The following TMPRSS11D variants were observed in gnomAD, a reference collection of about 807,000 sequenced individuals.
The protein encoded by TMPRSS11D is transmembrane protease serine 11D.
In TMPRSS11D, 32 loss-of-function variants were observed where a neutral mutation model predicts 44.4. The ratio of observed to expected loss-of-function variants is 0.72; its 90% CI spans 0.54 to 0.97. The LOEUF is 0.97. TMPRSS11D is among the 50% of genes least tolerant of loss of function. The pLI is 0.00. For synonymous variants in TMPRSS11D, 179 were observed against 177.9 expected, an observed-to-expected ratio of 1.01 and a Z score of -0.05; for missense variants, 446 against 502.6, an observed-to-expected ratio of 0.89 and a Z score of 1.08.
Position 67,854,167 on chromosome 4 carries a change from A to C in TMPRSS11D, c.150T>G (p.Tyr50Ter). The change falls in exon 3 of 10, where the codon TAT becomes TAG. Residue 50 changes from tyrosine (Y) to a stop codon, truncating the protein, a stop_gained. Transcript: ENST00000283916. LOFTEE classifies it high-confidence loss of function. ...FLAFDQKSYF[Y>*]RSSFQLLNVE... ...CATTTAGGAGTTGAAAACTGCTCCT[A>C]TAAAAGTAAGATTTTTGATCTGAAA... 6.4e-7 allele frequency: 1 copy of C among 1,561,440 alleles called. No homozygotes were observed. The highest frequency in any genetic ancestry group is 8.7e-7 in the Non-Finnish European group (1 of 1,147,224).
At chr4:67,851,172 T>A (rs1718499713) in intron 3 of TMPRSS11D, among the ~76,000 whole-genome samples, 1 of 152,224 alleles carries the variant, frequency 6.6e-6, no homozygotes, top group African/African-American at 2.4e-5. Context: ...GAGGATGCAC[T>A]GGTTTTAATG....
At chr4:67,877,891 A>C (rs190270514) in intron 1 of TMPRSS11D, among the ~76,000 whole-genome samples, 1 of 152,302 alleles carries the variant, frequency 6.6e-6, no homozygotes, top group East Asian at 1.9e-4. Context: ...TCCTTTCTCC[A>C]CAGAGATTGT....
chr4:67,882,063 G>T (rs1461925965), intron 1 of TMPRSS11D, among the ~76,000 whole-genome samples: 3 of 152,070 alleles, frequency 2.0e-5, no homozygotes, highest in Admixed American at 6.6e-5. Context: ...AGGTTCCTGG[G>T]CCCTACGGTA....
rs1717630003 is a variant in TMPRSS11D, at chr4:67,821,315, C to T, written c.*1022G>A. ...GGAAGAGTGACAAAGTTTTTTCTGT[C>T]TTCAGGATCATTCTATTGATATTAA... is the stretch of plus-strand genomic sequence containing the variant. On this transcript the variant is annotated 3_prime_UTR_variant, in exon 10 of 10. Coordinates refer to ENST00000283916, the MANE Select transcript of TMPRSS11D (RefSeq NM_004262.3). The T allele has an allele frequency of 6.6e-6, 1 of 152,042 alleles. No individual in the cohort carries two copies. Among genetic ancestry groups the T allele is most frequent in the Non-Finnish European group, 1.5e-5 (1 of 68,006 alleles). The allele number at this position is 152,042 out of a possible 1,614,324, so 9.4% of individuals were successfully genotyped here.
chr4:67,830,415 T>C (rs1043610208), intron 7 of TMPRSS11D, among the ~76,000 whole-genome samples: 8 of 151,990 alleles, frequency 5.3e-5, no homozygotes, highest in African/African-American at 1.9e-4. Flanking sequence ...AACTTAACAT[T>C]GTTCCTAAGG....
intron 7 of TMPRSS11D, 113 bp downstream of exon 7, chr4:67,833,091 A>AT (rs992519017): frequency 3.1e-5 from 33 of 1,067,944 alleles, no homozygotes; most frequent in East Asian, 6.4e-5. Flanking sequence ...ATTCTTACTG[A>AT]TTTTTTTGCA....
intron 3 of TMPRSS11D, among the ~76,000 whole-genome samples, chr4:67,844,709 G>A (rs1718318175): frequency 6.6e-6 from 1 of 152,052 alleles, no homozygotes; most frequent in Non-Finnish European, 1.5e-5. Context: ...AACCTGCAGG[G>A]CAGAGGTCGC....
chr4:67,850,879 C>T (rs1257651955), intron 3 of TMPRSS11D, among the ~76,000 whole-genome samples: 1 of 152,182 alleles, frequency 6.6e-6, no homozygotes, highest in African/African-American at 2.4e-5. Context: ...TTTTCTAGTA[C>T]TTTACAACTT....
intron 3 of TMPRSS11D, among the ~76,000 whole-genome samples, chr4:67,847,477 G>A (rs191059450): frequency 1.8e-4 from 28 of 152,254 alleles, no homozygotes; most frequent in African/African-American, 6.7e-4. Flanking sequence ...GCTTTTGGGA[G>A]GCTTAGTTTT....
At chr4:67,870,661 A>C (rs1372112066) in intron 1 of TMPRSS11D, among the ~76,000 whole-genome samples, 1 of 152,072 alleles carries the variant, frequency 6.6e-6, no homozygotes, top group Non-Finnish European at 1.5e-5. Context: ...AAAAATACAA[A>C]AAATTAGCCG....
rs149678803 is a variant in TMPRSS11D, at chr4:67,827,505, A to T, written c.708T>A (p.Arg236=). The T allele has an allele frequency of 6.2e-7, 1 of 1,603,920 alleles. No individual in the cohort carries two copies. The highest frequency in any genetic ancestry group is 1.7e-5 in the Admixed American group (1 of 59,358). ...AAATACCAGACGTGGCAATCCAGTC[A>T]CGAGGATTAGAGTTGCTAAAACATT... The part of the protein sequence containing the change: ...AHCFRSNSNP[R]DWIATSGIST... The change falls in exon 8 of 10, where the codon CGT becomes CGA. Residue 236 remains arginine, a synonymous_variant. Transcript: ENST00000283916.
Position 67,821,862 on chromosome 4 carries a change from C to T in TMPRSS11D, c.*475G>A, listed in dbSNP as rs1231268651. 6.5e-6 allele frequency: 1 copy of T among 152,860 alleles called. No homozygotes were observed. Among genetic ancestry groups the T allele is most frequent in the African/African-American group, 2.4e-5 (1 of 41,388 alleles). The allele number at this position is 152,860 out of a possible 1,614,324, so 9.5% of individuals were successfully genotyped here. A position where few individuals can be genotyped will look rare whatever the true frequency, so the allele number is the denominator to read the frequency against. The stretch of plus-strand genomic sequence containing the variant: ...ATTGAGTAACCAAAAATTTTAAATA[C>T]ATATTATTTCTCTTGCCTCATACTG... On this transcript the variant is annotated 3_prime_UTR_variant, in exon 10 of 10. Coordinates refer to ENST00000283916, the MANE Select transcript of TMPRSS11D (RefSeq NM_004262.3).
intron 1 of TMPRSS11D, among the ~76,000 whole-genome samples, chr4:67,861,576 A>C (rs1451186568): frequency 6.6e-6 from 1 of 152,088 alleles, no homozygotes; most frequent in African/African-American, 2.4e-5. Flanking sequence ...AAGAACTGTA[A>C]AGAAGGATTA....
intron 3 of TMPRSS11D, among the ~76,000 whole-genome samples, chr4:67,846,166 G>A (rs1718352461): frequency 6.6e-6 from 1 of 152,088 alleles, no homozygotes; most frequent in South Asian, 2.1e-4. Context: ...GTGGCAATAT[G>A]ATCTATCTAT....
chr4:67,846,571 C>T (rs1241296138), intron 3 of TMPRSS11D, among the ~76,000 whole-genome samples: 2 of 152,126 alleles, frequency 1.3e-5, no homozygotes, highest in African/African-American at 4.8e-5. Context: ...AATCATGACA[C>T]TAAGTTGTCA....
intron 2 of TMPRSS11D, among the ~76,000 whole-genome samples, chr4:67,858,551 A>G (rs1424245437): frequency 6.6e-6 from 1 of 152,106 alleles, no homozygotes; most frequent in African/African-American, 2.4e-5. Context: ...AATGTTGGTA[A>G]TTTTATTGCA....
chr4:67,835,684 A>G (rs894441055), intron 5 of TMPRSS11D, among the ~76,000 whole-genome samples: 2 of 152,202 alleles, frequency 1.3e-5, no homozygotes, highest in African/African-American at 2.4e-5. Context: ...TAATTAAATT[A>G]TATGGAGGAG....
In TMPRSS11D at chr4:67,878,932, C is replaced by A. The variant is rs183312075; in HGVS notation, c.8+4994G>T. ...GAGAGGGAGACTCTGTCTCAAAAAACATATATGGAGTAATTATATATATCA... is the reference window on the plus strand; with the variant it reads ...GAGAGGGAGACTCTGTCTCAAAAAAAATATATGGAGTAATTATATATATCA... On this transcript the variant is annotated intron_variant, in intron 1 of 9. Coordinates refer to ENST00000283916, the MANE Select transcript of TMPRSS11D (RefSeq NM_004262.3). Among the ~76,000 whole-genome samples, 112 of 152,016 alleles carry A rather than the reference C, an allele frequency of 7.4e-4. 1 individual carries two copies. The highest frequency in any genetic ancestry group is 1.4e-3 in the Admixed American group (22 of 15,266).
intron 7 of TMPRSS11D, 42 bp downstream of exon 7, chr4:67,833,162 T>G: frequency 1.5e-6 from 2 of 1,371,400 alleles, no homozygotes; most frequent in Non-Finnish European, 1.9e-6. Context: ...ATGACCTGTC[T>G]ATTCTAATTG....
Sources: gnomAD v4.1 joint callset for allele counts (sites outside exome capture counted in the v4.1 genomes callset) on GRCh38, gnomAD v4.1.1 for gene constraint, MANE v1.5 for transcripts, NCBI Gene and HGNC (gene_info 2026-07-23, HGNC 2026-07-21) for gene names.